DOC2B: variants seen among roughly 807,000 people sequenced by gnomAD.
The protein encoded by DOC2B is double C2-like domain-containing protein beta.
A neutral mutation model predicts 28.9 loss-of-function variants in DOC2B; 21 were observed. The ratio of observed to expected loss-of-function variants is 0.73; its 90% confidence interval spans 0.52 to 1.05. DOC2B has a LOEUF of 1.05. Ranked by LOEUF, DOC2B falls within the 50% of genes least tolerant of loss-of-function variation. DOC2B has a pLI of 0.00. For missense variants in DOC2B, 384 were observed against 421.1 expected, an observed-to-expected ratio of 0.91 and a Z score of 0.77; for synonymous variants, 194 against 178.1, an observed-to-expected ratio of 1.09 and a Z score of -0.71.
rs1246023810 is a variant in DOC2B, at chr17:147,473, T to C, written c.1207A>G (p.Ser403Gly). ...CTGAGCACAGCCCCTGGGAGCTCGC[T>C]GGTGAGCGTGTGCCAGCGCTCGATG... ...KRIERWHTLT[S>G]ELPGAVLSD The change falls in exon 9 of 9, where the codon AGC becomes GGC. Residue 403 changes from serine to glycine, a missense_variant. By Grantham distance (56) the Ser-to-Gly change is moderately conservative. Coordinates refer to ENST00000613549, the MANE Select transcript of DOC2B (RefSeq NM_003585.5). 2.5e-6 allele frequency: 1 copy of C among 398,782 alleles called. No homozygotes were observed. Among genetic ancestry groups the C allele is most frequent in the Non-Finnish European group, 4.4e-6 (1 of 226,156 alleles). The allele number at this position is 398,782 out of a possible 1,614,324, so 24.7% of individuals were successfully genotyped here.
At chr17:159,141 G>A (rs1270523694) in intron 5 of DOC2B, among the ~76,000 whole-genome samples, 4 of 151,902 alleles carry the variant, frequency 2.6e-5, no homozygotes, top group African/African-American at 9.7e-5. Flanking sequence ...AGACCACTGG[G>A]TCTTGCTCAG....
rs184574095 is a variant in DOC2B at position 158,893 on chromosome 17, A to C, written c.766-2516T>G. Among the ~76,000 whole-genome samples, 709 of 148,430 alleles carry C rather than the reference A, an allele frequency of 4.8e-3. 11 individuals carry two copies. The highest frequency in any genetic ancestry group is 0.016 in the African/African-American group (669 of 41,278). Reference sequence around the variant, plus strand: ...AACCCCATCTCTACTAAAAATACAAAAATTAGCCGGGTGTGGTGGCGCATG... The same window carrying C: ...AACCCCATCTCTACTAAAAATACAACAATTAGCCGGGTGTGGTGGCGCATG... On this transcript the variant is annotated intron_variant, in intron 5 of 8. Transcript: ENST00000613549.
intron 6 of DOC2B, among the ~76,000 whole-genome samples, chr17:154,075 T>A (rs1227794014): frequency 1.3e-5 from 2 of 152,190 alleles, no homozygotes; most frequent in Non-Finnish European, 2.9e-5. Context: ...TCGCTTAGCA[T>A]CTTGTTTCCA....
chr17:176,640 C>T (rs761741183), intron 1 of DOC2B, among the ~76,000 whole-genome samples: 1 of 152,168 alleles, frequency 6.6e-6, no homozygotes, highest in African/African-American at 2.4e-5. Context: ...GGGGCTCAGC[C>T]GCTGCCCTGG....
chr17:165,451 C>T (rs2040251599), intron 2 of DOC2B, among the ~76,000 whole-genome samples: 1 of 150,328 alleles, frequency 6.7e-6, no homozygotes, highest in African/African-American at 2.5e-5. Flanking sequence ...CACTGCACTC[C>T]AGCCTGGGTG....
At position 149,429 on chromosome 17, in the gene DOC2B, A is replaced by G. The variant is rs1305659723; in HGVS notation, c.924-237T>C. ...GTTCACACACACATTCCTGAAGTTA[A>G]CCCTGGGGGGCGCCCTCCATCCCCC... On this transcript the variant is annotated intron_variant, in intron 6 of 8. Coordinates refer to ENST00000613549, the MANE Select transcript of DOC2B (RefSeq NM_003585.5). Among the ~76,000 whole-genome samples the G allele has an allele frequency of 5.3e-5, 8 of 152,184 alleles. No individual in the cohort carries two copies. In the East Asian group the frequency reaches 1.5e-3, roughly 29 times the overall value.
rs2294075 is a variant in DOC2B, at chr17:164,217, G to T, written c.454-13C>A. 1.4e-5 allele frequency: 22 copies of T among 1,547,034 alleles called. No homozygotes were observed. In the Admixed American group the frequency reaches 4.1e-4, roughly 29 times the overall value. On this transcript the variant is annotated splice_polypyrimidine_tract_variant and intron_variant, in intron 2 of 8. Transcript: ENST00000613549. ...TTGGCTTCAGGCCCTGGGCAGAGAA[G>T]AGCAAACGGTGTGAACTGGAAATCG...
intron 6 of DOC2B, among the ~76,000 whole-genome samples, chr17:150,318 G>C (rs1161939644): frequency 6.6e-6 from 1 of 152,130 alleles, no homozygotes; most frequent in African/African-American, 2.4e-5. Flanking sequence ...CCTGGGCCTG[G>C]CACCAGGGAG....
At chr17:160,418 A>C (rs996741058) in intron 5 of DOC2B, among the ~76,000 whole-genome samples, 1 of 152,232 alleles carries the variant, frequency 6.6e-6, no homozygotes, top group Non-Finnish European at 1.5e-5. Flanking sequence ...GATTCTGGGA[A>C]GAAGCCGTGG....
Position 143,521 on chromosome 17 carries a change from C to G in DOC2B, c.*3920G>C, listed in dbSNP as rs1597810917. The G allele has an allele frequency of 2.0e-5, 3 of 151,754 alleles. No individual in the cohort carries two copies. The highest frequency in any genetic ancestry group is 4.4e-5 in the Non-Finnish European group (3 of 67,962). The allele number at this position is 151,754 out of a possible 1,614,324, so 9.4% of individuals were successfully genotyped here. ...AGGCTAATTGTCATTGTGTGTGTCT[C>G]TGTGTGTGTAGAGGCGTGGTTTCTC... On this transcript the variant is annotated 3_prime_UTR_variant, in exon 9 of 9. Coordinates refer to ENST00000613549, the MANE Select transcript of DOC2B (RefSeq NM_003585.5).
intron 2 of DOC2B, 127 bp downstream of exon 2, chr17:172,410 C>A: frequency 1.4e-6 from 1 of 694,192 alleles, no homozygotes; most frequent in Non-Finnish European, 2.3e-6. Context: ...GGCCCCGCAC[C>A]CCACACAGCG....
At chr17:161,992 A>G (rs1220170180) in intron 4 of DOC2B, 89 bp downstream of exon 4, 5 of 944,496 alleles carry the variant, frequency 5.3e-6, no homozygotes, top group Non-Finnish European at 8.3e-6. Context: ...ACAGGGGACC[A>G]TCTGACCCTC....
intron 1 of DOC2B, among the ~76,000 whole-genome samples, chr17:177,739 G>A (rs771352400): frequency 1.3e-5 from 2 of 152,362 alleles, no homozygotes; most frequent in East Asian, 3.9e-4. Context: ...AACATCGAGT[G>A]CATTACAAAT....
At chr17:176,899 T>C (rs1442805584) in intron 1 of DOC2B, among the ~76,000 whole-genome samples, 1 of 152,194 alleles carries the variant, frequency 6.6e-6, no homozygotes, top group Non-Finnish European at 1.5e-5. Flanking sequence ...AAAATCAAGC[T>C]CAAGCCCCTG....
At chr17:165,557 G>C (rs181784876) in intron 2 of DOC2B, among the ~76,000 whole-genome samples, 11 of 152,180 alleles carry the variant, frequency 7.2e-5, no homozygotes, top group Admixed American at 3.9e-4. Flanking sequence ...GAGAGGGAGG[G>C]AGACTGTGTG....
At chr17:173,189 T>A (rs2040331820) in intron 1 of DOC2B, among the ~76,000 whole-genome samples, 1 of 152,110 alleles carries the variant, frequency 6.6e-6, no homozygotes, top group Non-Finnish European at 1.5e-5. Context: ...AGTCTCTCAA[T>A]GGCAGTGGTA....
intron 1 of DOC2B, among the ~76,000 whole-genome samples, chr17:180,747 A>C (rs1381026091): frequency 6.6e-6 from 1 of 151,600 alleles, no homozygotes; most frequent in East Asian, 2.0e-4. Context: ...CCCGGGACGC[A>C]GCTCCGCCCT....
At chr17:162,273 T>C (rs747044176) in intron 3 of DOC2B, 83 bp from the exon 4 acceptor site, 108 of 1,005,286 alleles carry the variant, frequency 1.1e-4, no homozygotes, top group Non-Finnish European at 1.5e-4. Flanking sequence ...CACGTGCTCA[T>C]CTTGGAGCCT....
intron 6 of DOC2B, among the ~76,000 whole-genome samples, chr17:152,971 C>T (rs775987897): frequency 2.6e-5 from 4 of 152,094 alleles, no homozygotes; most frequent in Non-Finnish European, 5.9e-5. Context: ...CCCTTATTTC[C>T]TCTGCTTTAG....
Sources: gnomAD v4.1 joint callset for allele counts (sites outside exome capture counted in the v4.1 genomes callset) on GRCh38, gnomAD v4.1.1 for gene constraint, MANE v1.5 for transcripts, NCBI Gene and HGNC (gene_info 2026-07-23, HGNC 2026-07-21) for gene names.